The following CDKAL1 variants were observed in gnomAD, a reference collection of about 807,000 sequenced individuals.
The protein encoded by CDKAL1 is threonylcarbamoyladenosine tRNA methylthiotransferase.
A neutral mutation model predicts 68.2 loss-of-function variants in CDKAL1; 32 were observed. The observed-to-expected ratio is 0.47, with a 90% CI of 0.35 to 0.63. The LOEUF is 0.63. CDKAL1 is among the 30% of genes least tolerant of loss of function. The pLI, the probability that CDKAL1 is intolerant of heterozygous loss-of-function variation, is 0.00. For missense variants in CDKAL1, 606 were observed against 696.7 expected, an observed-to-expected ratio of 0.87 and a Z score of 1.47; for synonymous variants, 234 against 244.3, an observed-to-expected ratio of 0.96 and a Z score of 0.39.
At chr6:21,143,844 G>A (rs917053290) in intron 13 of CDKAL1, among the ~76,000 whole-genome samples, 3 of 152,142 alleles carry the variant, frequency 2.0e-5, no homozygotes, top group Non-Finnish European at 4.4e-5. Context: ...GAGGGTAATT[G>A]TTGCTGCTCT....
chr6:20,851,167 G>C (rs568936958), intron 9 of CDKAL1, among the ~76,000 whole-genome samples: 1 of 152,180 alleles, frequency 6.6e-6, no homozygotes, highest in East Asian at 1.9e-4. Flanking sequence ...AGACTGTTGT[G>C]AAACCTTCCT....
intron 11 of CDKAL1, among the ~76,000 whole-genome samples, chr6:21,056,399 TTTA>T (rs2150919939): frequency 6.6e-6 from 1 of 152,242 alleles, no homozygotes; most frequent in South Asian, 2.1e-4. Context: ...GCTGAAATTG[TTTA>T]TTGAGTTAAG....
At chr6:20,789,615 C>T (rs1775815244) in intron 8 of CDKAL1, among the ~76,000 whole-genome samples, 1 of 152,002 alleles carries the variant, frequency 6.6e-6, no homozygotes, top group African/African-American at 2.4e-5. Flanking sequence ...ATTCTATTGC[C>T]CTTTCTAAAA....
At chr6:20,763,405 A>G (rs1437007545) in intron 7 of CDKAL1, among the ~76,000 whole-genome samples, 1 of 152,144 alleles carries the variant, frequency 6.6e-6, no homozygotes, top group East Asian at 1.9e-4. Flanking sequence ...AACCCTGCCC[A>G]GATTTTAGTA....
intron 13 of CDKAL1, among the ~76,000 whole-genome samples, chr6:21,163,395 C>T (rs561657605): frequency 2.0e-5 from 3 of 152,124 alleles, no homozygotes; most frequent in East Asian, 1.9e-4. Flanking sequence ...AACAAACACC[C>T]GCTTGGGGCC....
At chr6:20,572,922 A>G (rs1764763134) in intron 4 of CDKAL1, among the ~76,000 whole-genome samples, 1 of 152,212 alleles carries the variant, frequency 6.6e-6, no homozygotes. Context: ...TTGTGACTAC[A>G]TGTAACAAGG....
intron 12 of CDKAL1, among the ~76,000 whole-genome samples, chr6:21,077,392 C>T (rs11961090): frequency 0.038 from 5,716 of 152,168 alleles, 389 homozygotes; most frequent in African/African-American, 0.13. Context: ...GTCCTAATCC[C>T]GAAACTTGTG....
chr6:20,837,956 T>TGC (rs1317341378), intron 8 of CDKAL1, among the ~76,000 whole-genome samples: 35 of 148,654 alleles, frequency 2.4e-4, no homozygotes, highest in African/African-American at 8.7e-4. Context: ...TGTGTGTGTG[T>TGC]GTGTGTGTGT....
intron 12 of CDKAL1, among the ~76,000 whole-genome samples, chr6:21,069,524 T>A (rs1212292888): frequency 6.6e-6 from 1 of 152,150 alleles, no homozygotes; most frequent in Non-Finnish European, 1.5e-5. Flanking sequence ...TATATTGCTA[T>A]TGATAAAATA....
chr6:20,712,927 A>G (rs571139415), intron 5 of CDKAL1, among the ~76,000 whole-genome samples: 1 of 152,224 alleles, frequency 6.6e-6, no homozygotes, highest in South Asian at 2.1e-4. Context: ...GGCCTGAGCC[A>G]TCATGCCTGG....
At chr6:21,129,852 T>C (rs1775210792) in intron 13 of CDKAL1, among the ~76,000 whole-genome samples, 1 of 152,134 alleles carries the variant, frequency 6.6e-6, no homozygotes, top group African/African-American at 2.4e-5. Flanking sequence ...TTGGAATTAT[T>C]AAATGTTAGC....
At chr6:20,982,589 C>T (rs976059463) in intron 10 of CDKAL1, among the ~76,000 whole-genome samples, 7 of 150,560 alleles carry the variant, frequency 4.6e-5, no homozygotes, top group Non-Finnish European at 8.9e-5. Context: ...CAAAAAACCC[C>T]AAAAGAACAA....
At chr6:21,160,610 T>A (rs1298279619) in intron 13 of CDKAL1, among the ~76,000 whole-genome samples, 3 of 146,368 alleles carry the variant, frequency 2.0e-5, no homozygotes, top group East Asian at 4.1e-4. Context: ...TTTTTTTTTT[T>A]TTATTCACTG....
At chr6:20,587,148 C>A (rs1009785359) in intron 4 of CDKAL1, among the ~76,000 whole-genome samples, 12 of 151,560 alleles carry the variant, frequency 7.9e-5, no homozygotes, top group Admixed American at 1.3e-4. Context: ...CACCACGCCC[C>A]GCTAATTTTT....
In CDKAL1 at chr6:20,791,519, A is replaced by C. The variant is rs957301496; in HGVS notation, c.638+10254A>C. ...GTAGTTGTTTAGTTAATTGAAAGGA[A>C]AGCCACTTAGAGCTAAAGTTTGAGA... On this transcript the variant is annotated intron_variant, in intron 8 of 15. Coordinates refer to ENST00000274695, the MANE Select transcript of CDKAL1 (RefSeq NM_017774.3). Among the ~76,000 whole-genome samples the C allele has an allele frequency of 4.1e-4, 63 of 152,150 alleles. 1 individual carries two copies. Among genetic ancestry groups the C allele is most frequent in the Admixed American group, 2.2e-3 (33 of 15,260 alleles).
chr6:20,758,515 A>G (rs1774328222), intron 6 of CDKAL1, 80 bp from the exon 7 acceptor site: 7 of 1,179,328 alleles, frequency 5.9e-6, no homozygotes, highest in South Asian at 4.1e-5. Context: ...AATGTGTAAC[A>G]TTGACTCAAG....
chr6:20,562,526 G>A (rs1213944392), intron 4 of CDKAL1, among the ~76,000 whole-genome samples: 1 of 152,038 alleles, frequency 6.6e-6, no homozygotes, highest in Non-Finnish European at 1.5e-5. Flanking sequence ...ATCACTTGAG[G>A]TTAGGAGTTC....
At chr6:20,577,942 G>T (rs1299439858) in intron 4 of CDKAL1, among the ~76,000 whole-genome samples, 1 of 152,140 alleles carries the variant, frequency 6.6e-6, no homozygotes, top group African/African-American at 2.4e-5. Flanking sequence ...GAGACAATAG[G>T]AGATGGATGT....
At chr6:21,222,459 GT>G in intron 15 of CDKAL1, among the ~76,000 whole-genome samples, 1 of 152,298 alleles carries the variant, frequency 6.6e-6, no homozygotes, top group South Asian at 2.1e-4. Flanking sequence ...ACTTCAATTT[GT>G]TGATCCTGTT....
Sources: allele counts gnomAD v4.1 joint callset (sites outside exome capture counted in the v4.1 genomes callset), GRCh38; gene constraint gnomAD v4.1.1; transcripts MANE v1.5; gene names NCBI Gene and HGNC (gene_info 2026-07-23, HGNC 2026-07-21).